Variants in CCDC178 observed in about 807,000 individuals in gnomAD.
CCDC178 encodes coiled-coil domain containing 178.
CCDC178 carries 126 observed loss-of-function variants against 117.4 expected under a neutral mutation model. The ratio of observed to expected loss-of-function variants is 1.07; its 90% confidence interval spans 0.93 to 1.24. The LOEUF is 1.24. Among genes scored for constraint, CCDC178 ranks in the 50% most tolerant of loss-of-function variants. The probability of loss-of-function intolerance (pLI) is 0.00; values close to 1 mark genes in which losing one functional copy is unlikely to be tolerated. For synonymous variants in CCDC178, 283 were observed against 313.4 expected (o/e 0.90, Z 1.02); for missense variants, 1,030 against 986.9 (o/e 1.04, Z -0.59).
rs143214139 is a variant in CCDC178, at chr18:33,429,137, C to T, written c.-23+10825G>A. Among the ~76,000 whole-genome samples the T allele has an allele frequency of 7.6e-4, 115 of 152,010 alleles. 1 individual carries two copies. Among genetic ancestry groups the T allele is most frequent in the African/African-American group, 2.7e-3 (110 of 41,488 alleles). ...ACTTCATAAATATATAAAGCTTCTCCGCATTATCACTCATGTCAGGAAAAG... is the reference window on the plus strand; with the variant it reads ...ACTTCATAAATATATAAAGCTTCTCTGCATTATCACTCATGTCAGGAAAAG... On this transcript the variant is annotated intron_variant, in intron 2 of 22. Transcript: ENST00000383096.
chr18:33,019,941 TA>T (rs1854628114), intron 21 of CCDC178, among the ~76,000 whole-genome samples: 1 of 147,152 alleles, frequency 6.8e-6, no homozygotes, highest in African/African-American at 2.5e-5. Context: ...TTATTATTAT[TA>T]TTATTATTAT....
rs1363422286 is a variant in CCDC178, at chr18:33,053,888, T to C, written c.2388+38873A>G. 2.6e-5 allele frequency among the ~76,000 whole-genome samples: 4 copies of C among 152,316 alleles called. No individual in the cohort carries two copies. In the South Asian group the frequency reaches 8.3e-4, roughly 32 times the overall value. ...ATTTCTGTTGCTTTAGAAAAGTATT[T>C]TGAATAATATTATACAAAATAATAA... On this transcript the variant is annotated intron_variant, in intron 21 of 22. Transcript: ENST00000383096.
At chr18:33,198,659 TATATAA>T (rs2058960816) in intron 20 of CCDC178, among the ~76,000 whole-genome samples, 1 of 152,176 alleles carries the variant, frequency 6.6e-6, no homozygotes, top group Non-Finnish European at 1.5e-5. Context: ...TAGACACTGA[TATATAA>T]ATATATACTT....
intron 22 of CCDC178, among the ~76,000 whole-genome samples, chr18:32,952,102 G>C (rs1461538845): frequency 6.6e-6 from 1 of 152,174 alleles, no homozygotes; most frequent in Non-Finnish European, 1.5e-5. Context: ...GGCATTGAGT[G>C]CCTGTGGCTT....
chr18:32,994,723 C>A (rs1206051780), intron 21 of CCDC178, among the ~76,000 whole-genome samples: 1 of 151,510 alleles, frequency 6.6e-6, no homozygotes, highest in Admixed American at 6.6e-5. Context: ...GTCTCAAGTG[C>A]CAATTTTAAT....
chr18:32,987,937 C>A (rs778859433), intron 21 of CCDC178, among the ~76,000 whole-genome samples: 1 of 151,316 alleles, frequency 6.6e-6, no homozygotes, highest in South Asian at 2.1e-4. Flanking sequence ...GTCTCTACTG[C>A]GTGGTGGCAG....
chr18:32,966,066 A>G (rs1004780025), intron 22 of CCDC178, among the ~76,000 whole-genome samples: 2 of 151,334 alleles, frequency 1.3e-5, no homozygotes, highest in African/African-American at 4.8e-5. Flanking sequence ...ACAACATTTT[A>G]TATTTTAAAA....
chr18:32,946,270 C>T (rs1350772393), intron 22 of CCDC178, among the ~76,000 whole-genome samples: 1 of 152,072 alleles, frequency 6.6e-6, no homozygotes, highest in African/African-American at 2.4e-5. Flanking sequence ...CTTAAATTTG[C>T]CCTAAAATGC....
At chr18:33,368,452 T>G (rs2063248367) in intron 6 of CCDC178, among the ~76,000 whole-genome samples, 1 of 151,902 alleles carries the variant, frequency 6.6e-6, no homozygotes, top group Non-Finnish European at 1.5e-5. Flanking sequence ...TTTTTGAGGT[T>G]TTTCAATATA....
rs545810113 is a variant in CCDC178 at position 33,305,561 on chromosome 18, T to C, written c.1023-12249A>G. 2.5e-3 allele frequency among the ~76,000 whole-genome samples: 380 copies of C among 151,918 alleles called. 1 individual carries two copies. The highest frequency in any genetic ancestry group is 4.6e-3 in the Non-Finnish European group (313 of 68,016). ...GAGAGGAACCTAAGGGCTGACACTC[T>C]AGACTGCAAGATCAAGAAATGACCT... On this transcript the variant is annotated intron_variant, in intron 11 of 22. Coordinates refer to ENST00000383096, the MANE Select transcript of CCDC178 (RefSeq NM_001105528.4).
chr18:33,098,682 T>C (rs1567987387), intron 20 of CCDC178, among the ~76,000 whole-genome samples: 1 of 152,010 alleles, frequency 6.6e-6, no homozygotes, highest in South Asian at 2.1e-4. Flanking sequence ...AAAAAATGTA[T>C]TGTTAGTATT....
At chr18:33,021,518 C>T (rs553253003) in intron 21 of CCDC178, among the ~76,000 whole-genome samples, 13 of 152,118 alleles carry the variant, frequency 8.5e-5, no homozygotes, top group Admixed American at 6.6e-4. Flanking sequence ...GCCAACATGG[C>T]GAACACTGTT....
chr18:33,286,549 A>C (rs536755274), intron 12 of CCDC178, among the ~76,000 whole-genome samples: 1 of 152,344 alleles, frequency 6.6e-6, no homozygotes, highest in East Asian at 1.9e-4. Flanking sequence ...TGTATGAATC[A>C]AAAGGCATAT....
intron 22 of CCDC178, among the ~76,000 whole-genome samples, chr18:32,973,298 A>AACT (rs2054966999): frequency 6.6e-6 from 1 of 152,134 alleles, no homozygotes; most frequent in Non-Finnish European, 1.5e-5. Context: ...TTTTTCTAAG[A>AACT]TACTAATTAG....
chr18:32,954,617 TTC>T (rs546074353), intron 22 of CCDC178: 4 of 152,138 alleles, frequency 2.6e-5, no homozygotes, highest in Non-Finnish European at 4.4e-5. Flanking sequence ...AGGAAGAATA[TTC>T]TCTCTTTTAT....
chr18:32,993,841 G>A lies in CCDC178; in HGVS notation c.2389-19160C>T, dbSNP rs184408820. On this transcript the variant is annotated intron_variant, in intron 21 of 22. Transcript: ENST00000383096. ...TGAATGACTTAATTAATAAATATAG[G>A]GCCTTTAATGAGTGTCAAGAAAGCT... Among the ~76,000 whole-genome samples, 8 of 152,050 alleles carry A rather than the reference G, an allele frequency of 5.3e-5. No homozygotes were observed. The East Asian group carries it at 1.4e-3, about 26-fold the overall frequency.
At chr18:33,203,899 G>T (rs779816262) in intron 20 of CCDC178, among the ~76,000 whole-genome samples, 2 of 152,136 alleles carry the variant, frequency 1.3e-5, no homozygotes, top group African/African-American at 2.4e-5. Flanking sequence ...GACTAACTAT[G>T]ATAGCTCTTT....
chr18:33,009,082 T>A (rs1406309457), intron 21 of CCDC178, among the ~76,000 whole-genome samples: 1 of 152,138 alleles, frequency 6.6e-6, no homozygotes, highest in Non-Finnish European at 1.5e-5. Context: ...ACTCCCTTCA[T>A]CTGGTCATCA....
At chr18:33,012,159 T>C (rs1054672356) in intron 21 of CCDC178, among the ~76,000 whole-genome samples, 2 of 152,224 alleles carry the variant, frequency 1.3e-5, no homozygotes, top group Non-Finnish European at 2.9e-5. Context: ...AGCTACAATT[T>C]AAGATAGTGA....
Sources: allele counts gnomAD v4.1 joint callset (sites outside exome capture counted in the v4.1 genomes callset), GRCh38; gene constraint gnomAD v4.1.1; transcripts MANE v1.5; gene names NCBI Gene and HGNC (gene_info 2026-07-23, HGNC 2026-07-21).